Variants in ASAP1 observed in about 807,000 individuals in gnomAD.
The protein encoded by ASAP1 is arf-GAP with SH3 domain, ANK repeat and PH domain-containing protein 1.
A neutral mutation model predicts 145.2 loss-of-function variants in ASAP1; 43 were observed. The ratio of observed to expected loss-of-function variants is 0.30; its 90% CI spans 0.23 to 0.38. The LOEUF is 0.38. Ranked by LOEUF, ASAP1 falls within the 10% of genes least tolerant of loss-of-function variation. The pLI, the probability that ASAP1 is intolerant of heterozygous loss-of-function variation, is 1.00. For synonymous variants in ASAP1, 546 were observed against 515.5 expected (o/e 1.06, Z -0.80); for missense variants, 1,018 against 1,355.3 (o/e 0.75, Z 3.91).
chr8:130,136,803 G>A, intron 14 of ASAP1, 148 bp downstream of exon 14: 2 of 675,594 alleles, frequency 3.0e-6, no homozygotes, highest in Admixed American at 2.5e-5. Context: ...GAGACCTGGG[G>A]CATCTTCCTA....
intron 18 of ASAP1, among the ~76,000 whole-genome samples, chr8:130,119,931 CA>C (rs1327878545): frequency 3.3e-5 from 5 of 152,222 alleles, no homozygotes; most frequent in African/African-American, 1.2e-4. Flanking sequence ...CTTTCTTGCT[CA>C]AAAATATGCA....
At chr8:130,325,128 G>T (rs1013915711) in intron 3 of ASAP1, among the ~76,000 whole-genome samples, 15 of 152,224 alleles carry the variant, frequency 9.9e-5, no homozygotes, top group Non-Finnish European at 2.2e-4. Context: ...AATAGCAGCA[G>T]TAATAATTAA....
Position 130,206,057 on chromosome 8 carries a change from T to C in ASAP1, c.405+8499A>G, listed in dbSNP as rs1330092805. 3.5e-5 allele frequency among the ~76,000 whole-genome samples: 5 copies of C among 141,840 alleles called. No individual in the cohort carries two copies. The South Asian group carries it at 6.6e-4, about 19-fold the overall frequency. 93.1% of individuals were successfully genotyped at this position (141,840 alleles called of 152,430 possible). A position where few individuals can be genotyped will look rare whatever the true frequency, so the allele number is the denominator to read the frequency against. On this transcript the variant is annotated intron_variant, in intron 5 of 29. Transcript: ENST00000518721. ...ATATCTCAAATTTTTATAATAAATATGTATGATTTTTTAAATAGAAGGAGT... is the reference window on the plus strand; with the variant it reads ...ATATCTCAAATTTTTATAATAAATACGTATGATTTTTTAAATAGAAGGAGT...
intron 13 of ASAP1, among the ~76,000 whole-genome samples, chr8:130,145,377 G>A (rs2097626155): frequency 6.6e-6 from 1 of 152,080 alleles, no homozygotes; most frequent in African/African-American, 2.4e-5. Context: ...GAGTACAGTG[G>A]TGTGATCTTG....
chr8:130,252,531 G>A (rs528432552), intron 3 of ASAP1, among the ~76,000 whole-genome samples: 4 of 152,088 alleles, frequency 2.6e-5, no homozygotes, highest in Non-Finnish European at 4.4e-5. Flanking sequence ...GGCAGAAATG[G>A]TACATACTCT....
intron 24 of ASAP1, among the ~76,000 whole-genome samples, chr8:130,104,737 A>C (rs2097534228): frequency 6.6e-6 from 1 of 152,250 alleles, no homozygotes; most frequent in African/African-American, 2.4e-5. Flanking sequence ...TATAAAGATA[A>C]TTCATGATGT....
intron 5 of ASAP1, among the ~76,000 whole-genome samples, chr8:130,202,121 A>G (rs577731650): frequency 8.3e-4 from 126 of 152,246 alleles, no homozygotes; most frequent in African/African-American, 2.8e-3. Flanking sequence ...TTCATGTTTT[A>G]AGACTTATTT....
intron 9 of ASAP1, among the ~76,000 whole-genome samples, chr8:130,178,702 G>A (rs72722366): frequency 0.18 from 27,850 of 152,198 alleles, 3,054 homozygotes; most frequent in East Asian, 0.44. Context: ...TGGCCAACAC[G>A]GTGAGACCCA....
chr8:130,294,052 A>C (rs1295835816), intron 3 of ASAP1, among the ~76,000 whole-genome samples: 3 of 152,234 alleles, frequency 2.0e-5, no homozygotes, highest in African/African-American at 4.8e-5. Context: ...TATTATACCC[A>C]CATTTTGCAG....
chr8:130,297,071 G>A (rs1822326219), intron 3 of ASAP1, among the ~76,000 whole-genome samples: 1 of 152,164 alleles, frequency 6.6e-6, no homozygotes, highest in African/African-American at 2.4e-5. Flanking sequence ...TGTGTGGGGG[G>A]TTAAATCTAT....
chr8:130,137,649 G>A (rs2097598131), intron 13 of ASAP1, among the ~76,000 whole-genome samples: 1 of 152,182 alleles, frequency 6.6e-6, no homozygotes, highest in South Asian at 2.1e-4. Flanking sequence ...GAAGTACAAT[G>A]ACAATTACTA....
chr8:130,357,996 G>C (rs748706998), intron 3 of ASAP1, 21 bp downstream of exon 3: 6 of 1,594,930 alleles, frequency 3.8e-6, no homozygotes, highest in Non-Finnish European at 5.1e-6. Context: ...CGTGGACGGC[G>C]GGGGTCCCGG....
Position 130,143,131 on chromosome 8 carries a change from T to C in ASAP1, c.1081-6093A>G, listed in dbSNP as rs544426109. 2.6e-5 allele frequency among the ~76,000 whole-genome samples: 4 copies of C among 152,344 alleles called. No individual in the cohort carries two copies. In the South Asian group the frequency reaches 8.3e-4, roughly 32 times the overall value. On this transcript the variant is annotated intron_variant, in intron 13 of 29. Coordinates refer to ENST00000518721, the MANE Select transcript of ASAP1 (RefSeq NM_018482.4). ...AGGGACACATTGTTCCTGAAGGCTG[T>C]CTTGAGCAGCATCTCTTTCAAAAGC...
At chr8:130,059,857 T>G (rs571686021) in intron 28 of ASAP1, among the ~76,000 whole-genome samples, 59 of 150,016 alleles carry the variant, frequency 3.9e-4, no homozygotes, top group African/African-American at 1.4e-3. Flanking sequence ...ATGGGAGGAG[T>G]GCTTGAGCCC....
intron 27 of ASAP1, among the ~76,000 whole-genome samples, chr8:130,062,829 C>T (rs1252047301): frequency 6.6e-6 from 1 of 152,030 alleles, no homozygotes; most frequent in Non-Finnish European, 1.5e-5. Context: ...TAAAAATTAG[C>T]CAGGTGTGGT....
At chr8:130,063,579 G>A (rs2097423839) in intron 27 of ASAP1, among the ~76,000 whole-genome samples, 1 of 152,158 alleles carries the variant, frequency 6.6e-6, no homozygotes, top group Non-Finnish European at 1.5e-5. Flanking sequence ...CAGGGAAAGA[G>A]AGGAGACTGG....
chr8:130,179,986 TGAGA>T (rs938653472), intron 8 of ASAP1, among the ~76,000 whole-genome samples: 1 of 110,364 alleles, frequency 9.1e-6, no homozygotes. Context: ...AGAAAGAGAA[TGAGA>T]GAGAGAGAGG....
At chr8:130,229,345 A>G (rs1817772542) in intron 4 of ASAP1, among the ~76,000 whole-genome samples, 1 of 152,242 alleles carries the variant, frequency 6.6e-6, no homozygotes, top group South Asian at 2.1e-4. Flanking sequence ...TTCAGAGGGC[A>G]GATTCTTTGC....
At chr8:130,340,699 T>C in intron 3 of ASAP1, 1 of 294,634 alleles carries the variant, frequency 3.4e-6, no homozygotes, top group South Asian at 3.0e-5. Context: ...ATATAACAGT[T>C]GTGCAATTTG....
Sources: gnomAD v4.1 joint callset for allele counts (sites outside exome capture counted in the v4.1 genomes callset) on GRCh38, gnomAD v4.1.1 for gene constraint, MANE v1.5 for transcripts, NCBI Gene and HGNC (gene_info 2026-07-23, HGNC 2026-07-21) for gene names.